GRID2: variants seen among roughly 807,000 people sequenced by gnomAD.
The protein encoded by GRID2 is glutamate receptor ionotropic, delta-2.
GRID2 carries 33 observed loss-of-function variants against 114.8 expected under a neutral mutation model. That is an observed-to-expected ratio of 0.29 (90% CI 0.22 to 0.38). The LOEUF (loss-of-function observed/expected upper bound fraction) is 0.38, where lower values mean the gene tolerates loss of function less well. GRID2 is among the 10% of genes least tolerant of loss of function. The pLI is 1.00. For missense variants in GRID2, 1,184 were observed against 1,257.7 expected (o/e 0.94, Z 0.89); for synonymous variants, 505 against 449.9 (o/e 1.12, Z -1.55).
chr4:92,474,954 G>T (rs1339369912), intron 1 of GRID2, among the ~76,000 whole-genome samples: 194 of 50,310 alleles, frequency 3.9e-3, no homozygotes, highest in Non-Finnish European at 5.6e-3. Context: ...TCGGTTGATT[G>T]TTTTAATTTT....
chr4:92,574,575 T>C (rs886402735), intron 1 of GRID2, among the ~76,000 whole-genome samples: 1 of 152,052 alleles, frequency 6.6e-6, no homozygotes, highest in African/African-American at 2.4e-5. Flanking sequence ...TCCTCTCCTT[T>C]ATTTTTGAAG....
Position 92,938,441 on chromosome 4 carries a change from A to G in GRID2, c.245-146554A>G, listed in dbSNP as rs1009437779. ...ATTATTTTTCATAAGAGAAATAACT[A>G]TTTTCCAAGTATGGCCTACTACTTC... is the stretch of plus-strand genomic sequence containing the variant. On this transcript the variant is annotated intron_variant, in intron 2 of 15. Transcript: ENST00000282020. Among the ~76,000 whole-genome samples the G allele has an allele frequency of 3.4e-5, 5 of 146,724 alleles. 1 individual carries two copies. Among genetic ancestry groups the G allele is most frequent in the African/African-American group, 1.2e-4 (5 of 41,186 alleles).
At chr4:93,277,539 A>G (rs1423206850) in intron 8 of GRID2, among the ~76,000 whole-genome samples, 1 of 151,756 alleles carries the variant, frequency 6.6e-6, no homozygotes, top group Non-Finnish European at 1.5e-5. Context: ...TGCTATGAAA[A>G]CTTTAAAATA....
chr4:92,828,631 C>T (rs562227842), intron 2 of GRID2, among the ~76,000 whole-genome samples: 1 of 152,160 alleles, frequency 6.6e-6, no homozygotes, highest in African/African-American at 2.4e-5. Flanking sequence ...TAACTAATTA[C>T]AGATGATAAC....
intron 2 of GRID2, among the ~76,000 whole-genome samples, chr4:92,757,642 A>G (rs573174274): frequency 4.6e-5 from 7 of 152,174 alleles, no homozygotes; most frequent in African/African-American, 1.7e-4. Flanking sequence ...AGTATGATAG[A>G]GAAGAATAAA....
intron 14 of GRID2, among the ~76,000 whole-genome samples, chr4:93,674,876 A>G (rs1029527837): frequency 6.6e-6 from 1 of 152,116 alleles, no homozygotes. Flanking sequence ...TTCCTCCCCA[A>G]AGATTCTCAA....
At chr4:92,825,802 C>A (rs1176893449) in intron 2 of GRID2, among the ~76,000 whole-genome samples, 1 of 152,026 alleles carries the variant, frequency 6.6e-6, no homozygotes, top group Non-Finnish European at 1.5e-5. Flanking sequence ...GGACATTGTG[C>A]CATCAGCAAA....
intron 8 of GRID2, among the ~76,000 whole-genome samples, chr4:93,337,891 G>A (rs1759248825): frequency 6.6e-6 from 1 of 152,144 alleles, no homozygotes; most frequent in African/African-American, 2.4e-5. Flanking sequence ...AAAAGGGCTT[G>A]AAATACACCC....
intron 1 of GRID2, among the ~76,000 whole-genome samples, chr4:92,351,405 G>A (rs992416702): frequency 2.6e-5 from 4 of 151,516 alleles, no homozygotes; most frequent in African/African-American, 7.3e-5. Flanking sequence ...ATATTAATGG[G>A]GTAGAGGTTG....
At chr4:93,598,084 T>C (rs1739286538) in intron 13 of GRID2, among the ~76,000 whole-genome samples, 1 of 152,166 alleles carries the variant, frequency 6.6e-6, no homozygotes, top group African/African-American at 2.4e-5. Context: ...CATTCTCTGG[T>C]ACAACATACA....
intron 2 of GRID2, among the ~76,000 whole-genome samples, chr4:92,683,628 T>C (rs1412163599): frequency 6.6e-6 from 1 of 151,838 alleles, no homozygotes; most frequent in Non-Finnish European, 1.5e-5. Flanking sequence ...ATGAATTTCA[T>C]TATATAGTTA....
At chr4:93,008,885 A>G (rs1721834739) in intron 2 of GRID2, among the ~76,000 whole-genome samples, 1 of 152,162 alleles carries the variant, frequency 6.6e-6, no homozygotes, top group Non-Finnish European at 1.5e-5. Flanking sequence ...CATTTCAAAA[A>G]TATTTTGTAA....
chr4:92,675,984 C>T (rs1245895886), intron 2 of GRID2, among the ~76,000 whole-genome samples: 1 of 151,958 alleles, frequency 6.6e-6, no homozygotes, highest in Non-Finnish European at 1.5e-5. Flanking sequence ...TTATTTAATG[C>T]CTGAGAAGAG....
At chr4:92,655,015 T>TA (rs1252621464) in intron 2 of GRID2, among the ~76,000 whole-genome samples, 1 of 152,058 alleles carries the variant, frequency 6.6e-6, no homozygotes, top group Non-Finnish European at 1.5e-5. Flanking sequence ...ATAGTAATTT[T>TA]ATAAATTTAG....
intron 13 of GRID2, among the ~76,000 whole-genome samples, chr4:93,560,222 TAA>T (rs70942974): frequency 0.017 from 728 of 42,858 alleles, no homozygotes; most frequent in African/African-American, 0.032. Context: ...GAACTTAAAG[TAA>T]AAAAAAAAAA....
At chr4:92,761,993 A>G (rs1254868518) in intron 2 of GRID2, among the ~76,000 whole-genome samples, 2 of 152,114 alleles carry the variant, frequency 1.3e-5, no homozygotes, top group Non-Finnish European at 2.9e-5. Flanking sequence ...CAGTGGCACA[A>G]TCTTGGCTCA....
intron 2 of GRID2, among the ~76,000 whole-genome samples, chr4:92,695,041 A>G (rs1337375830): frequency 6.6e-6 from 1 of 152,108 alleles, no homozygotes; most frequent in Non-Finnish European, 1.5e-5. Flanking sequence ...ATCTCGGCTC[A>G]CTGCAACCCC....
At chr4:93,508,199 GA>G (rs1728832093) in intron 12 of GRID2, among the ~76,000 whole-genome samples, 1 of 115,248 alleles carries the variant, frequency 8.7e-6, no homozygotes, top group Non-Finnish European at 1.7e-5. Context: ...TTTTGTTTTT[GA>G]TTTTTTTTTT....
At chr4:93,523,812 A>T (rs1374694657) in intron 13 of GRID2, among the ~76,000 whole-genome samples, 1 of 152,174 alleles carries the variant, frequency 6.6e-6, no homozygotes, top group Admixed American at 6.5e-5. Flanking sequence ...ATAGCAGCTG[A>T]TGCATGCTAG....
Sources: allele counts gnomAD v4.1 joint callset (sites outside exome capture counted in the v4.1 genomes callset), GRCh38; gene constraint gnomAD v4.1.1; transcripts MANE v1.5; gene names NCBI Gene and HGNC (gene_info 2026-07-23, HGNC 2026-07-21).